Variants in RIMS3 observed in about 807,000 individuals in gnomAD.
RIMS3 encodes regulating synaptic membrane exocytosis protein 3.
A neutral mutation model predicts 29.2 loss-of-function variants in RIMS3; 15 were observed. The observed-to-expected ratio is 0.51, with a 90% CI of 0.34 to 0.79. The LOEUF (loss-of-function observed/expected upper bound fraction) is 0.79, where lower values mean the gene tolerates loss of function less well. Among genes scored for constraint, RIMS3 ranks in the 30% least tolerant of loss-of-function variants. The pLI, the probability that RIMS3 is intolerant of heterozygous loss-of-function variation, is 0.01. For missense variants in RIMS3, 342 were observed against 421.4 expected, an observed-to-expected ratio of 0.81 and a Z score of 1.65; for synonymous variants, 161 against 170.1, an observed-to-expected ratio of 0.95 and a Z score of 0.41.
At chr1:40,674,226 T>G in the RIMS3 span, among the ~76,000 whole-genome samples, 1 of 152,214 alleles carries the variant, frequency 6.6e-6, no homozygotes, top group South Asian at 2.1e-4. Flanking sequence ...ACGACATGTC[T>G]GCTGAATAAA....
At chr1:40,672,673 G>A in the RIMS3 span, among the ~76,000 whole-genome samples, 1 of 152,172 alleles carries the variant, frequency 6.6e-6, no homozygotes, top group Non-Finnish European at 1.5e-5. Context: ...GCTACTCTGA[G>A]CCACATGCTC....
chr1:40,641,372 T>A (rs1646555127), intron 3 of RIMS3, among the ~76,000 whole-genome samples: 1 of 152,242 alleles, frequency 6.6e-6, no homozygotes. Context: ...TACTGGTTAA[T>A]GTCTGTGTGT....
chr1:40,686,524 G>C, the RIMS3 span, among the ~76,000 whole-genome samples: 1 of 152,052 alleles, frequency 6.6e-6, no homozygotes, highest in East Asian at 1.9e-4. Flanking sequence ...GAGCATGGTC[G>C]CTGGTGCCTG....
chr1:40,689,226 T>G, the RIMS3 span, among the ~76,000 whole-genome samples: 1 of 152,212 alleles, frequency 6.6e-6, no homozygotes, highest in Non-Finnish European at 1.5e-5. Flanking sequence ...GGAAAGATAA[T>G]ATGGCAAAAT....
intron 2 of RIMS3, 136 bp from the exon 3 acceptor site, chr1:40,642,092 A>C: frequency 1.6e-6 from 1 of 606,684 alleles, no homozygotes; most frequent in Non-Finnish European, 3.0e-6. Flanking sequence ...TGCACAAACA[A>C]ATGTCAAGAG....
intron 2 of RIMS3, among the ~76,000 whole-genome samples, chr1:40,646,327 C>T (rs4660440): frequency 0.27 from 40,751 of 151,982 alleles, 5,923 homozygotes; most frequent in Non-Finnish European, 0.33. Flanking sequence ...AGCCATCAGA[C>T]CACAGGGATG....
At chr1:40,629,876 A>G (rs1646478347) in intron 5 of RIMS3, among the ~76,000 whole-genome samples, 1 of 152,026 alleles carries the variant, frequency 6.6e-6, no homozygotes, top group African/African-American at 2.4e-5. Flanking sequence ...GGAGATCAAG[A>G]CCATTCTGGC....
At chr1:40,675,547 C>T in the RIMS3 span, among the ~76,000 whole-genome samples, 1 of 152,086 alleles carries the variant, frequency 6.6e-6, no homozygotes, top group Admixed American at 6.5e-5. Flanking sequence ...CACCTAAGGT[C>T]AGGAGTTCGA....
chr1:40,691,750 G>A, the RIMS3 span: 1 of 455,296 alleles, frequency 2.2e-6, no homozygotes, highest in Non-Finnish European at 4.4e-6. Context: ...CTTCGCGCGC[G>A]CTCCGTTCTC....
upstream of RIMS3, among the ~76,000 whole-genome samples, chr1:40,668,427 G>A (rs534348525): frequency 1.6e-5 from 2 of 127,812 alleles, no homozygotes; most frequent in Non-Finnish European, 3.1e-5. Context: ...GTCTCTAAAT[G>A]AATGAATGAA....
At chr1:40,631,399 G>C (rs1035131453) in intron 5 of RIMS3, among the ~76,000 whole-genome samples, 1 of 152,172 alleles carries the variant, frequency 6.6e-6, no homozygotes, top group Non-Finnish European at 1.5e-5. Context: ...AAAATCCTTG[G>C]ATGCTCCAGT....
chr1:40,633,567 T>C (rs1646502454), intron 4 of RIMS3, among the ~76,000 whole-genome samples: 1 of 152,220 alleles, frequency 6.6e-6, no homozygotes, highest in African/African-American at 2.4e-5. Flanking sequence ...TGGAACAAGT[T>C]ACAAGAACTG....
rs565857774 is a variant in RIMS3 at position 40,654,268 on chromosome 1, C to A, written c.-206-6426G>T. Among the ~76,000 whole-genome samples the A allele has an allele frequency of 3.2e-4, 48 of 152,308 alleles. No homozygotes were observed. The South Asian group carries it at 9.3e-3, about 30-fold the overall frequency. On this transcript the variant is annotated intron_variant, in intron 1 of 7. Transcript: ENST00000372684. The surrounding 1 kb of genome is among the most constrained non-coding windows in gnomAD (Gnocchi z 5.3). Reference sequence around the variant, plus strand: ...GCACCAAGCCGGAAGGCGCCGCCCGCGCCTGCTGCCCACCCTGGGGACCCT... The same window carrying A: ...GCACCAAGCCGGAAGGCGCCGCCCGAGCCTGCTGCCCACCCTGGGGACCCT...
chr1:40,687,550 CG>C, the RIMS3 span: 1 of 145,976 alleles, frequency 6.9e-6, no homozygotes, highest in African/African-American at 2.6e-5. Flanking sequence ...CGCAGTGAAC[CG>C]AGATTGCACC....
intron 5 of RIMS3, among the ~76,000 whole-genome samples, chr1:40,632,102 T>C (rs1646492562): frequency 6.6e-6 from 1 of 152,140 alleles, no homozygotes; most frequent in Admixed American, 6.5e-5. Flanking sequence ...TAGGCTGGCC[T>C]CAAACTCCTG....
At chr1:40,687,322 C>T in the RIMS3 span, among the ~76,000 whole-genome samples, 1 of 55,956 alleles carries the variant, frequency 1.8e-5, no homozygotes, top group African/African-American at 1.3e-4. Flanking sequence ...TAAATTTAGG[C>T]CAGGGGCGGT....
Position 40,654,155 on chromosome 1 carries a change from G to GCCCCTC in RIMS3, c.-206-6319_-206-6314dup, listed in dbSNP as rs1236460212. Among the ~76,000 whole-genome samples, 6 of 42,556 alleles carry GCCCCTC rather than the reference G, an allele frequency of 1.4e-4. No individual in the cohort carries two copies. The highest frequency in any genetic ancestry group is 4.5e-4 in the African/African-American group (5 of 11,234). 27.9% of individuals were successfully genotyped at this position (42,556 alleles called of 152,430 possible). A position where few individuals can be genotyped will look rare whatever the true frequency, so the allele number is the denominator to read the frequency against. ...TCCCATCTCCTCCCCTCCCCTTCCC[G>GCCCCTC]CCCCTCCCCCTCCCCGCCCCTCCCC... On this transcript the variant is annotated intron_variant, in intron 1 of 7. Coordinates refer to ENST00000372684, the MANE Select transcript of RIMS3 (RefSeq NM_014747.3). This position sits in a 1 kb window ranked among gnomAD's most constrained non-coding sequence, Gnocchi z 5.3.
At chr1:40,691,080 G>GA in the RIMS3 span, 1 of 152,242 alleles carries the variant, frequency 6.6e-6, no homozygotes, top group Non-Finnish European at 1.5e-5. Flanking sequence ...AGATAAGTAT[G>GA]AAAAAATCCA....
At chr1:40,671,099 G>A in the RIMS3 span, among the ~76,000 whole-genome samples, 16 of 152,158 alleles carry the variant, frequency 1.1e-4, no homozygotes, top group African/African-American at 3.1e-4. Flanking sequence ...GGAAATTGGA[G>A]AGATTTTGTG....
Sources: gnomAD v4.1 joint callset for allele counts (sites outside exome capture counted in the v4.1 genomes callset) on GRCh38, gnomAD v4.1.1 for gene constraint, Gnocchi (gnomAD v3.1) non-coding constraint, MANE v1.5 for transcripts, NCBI Gene and HGNC (gene_info 2026-07-23, HGNC 2026-07-21) for gene names.